MBNL2: variants seen among roughly 807,000 people sequenced by gnomAD.
MBNL2 encodes the protein muscleblind like splicing regulator 2, also known as muscleblind-like protein 2.
A neutral mutation model predicts 41.9 loss-of-function variants in MBNL2; 17 were observed. The observed-to-expected ratio is 0.41, with a 90% CI of 0.28 to 0.61. MBNL2 has a LOEUF of 0.61. MBNL2 is among the 20% of genes least tolerant of loss of function. The pLI is 0.35. For missense variants in MBNL2, 336 were observed against 505.6 expected (o/e 0.66, Z 3.22); for synonymous variants, 195 against 182.9 (o/e 1.07, Z -0.53).
In MBNL2 at chr13:97,344,771, T is replaced by C. The variant is rs762237379; in HGVS notation, c.540+1555T>C. On this transcript the variant is annotated intron_variant, in intron 4 of 8. Coordinates refer to ENST00000679496, the MANE Select transcript of MBNL2 (RefSeq NM_001382683.1). The stretch of plus-strand genomic sequence containing the variant: ...TTGTGTTCAGTATGTGACTGTACTT[T>C]AGAAAACAAATTAAATCAGTGGAAT... 1.1e-3 allele frequency among the ~76,000 whole-genome samples: 160 copies of C among 152,226 alleles called. 5 individuals are homozygous for C. Among genetic ancestry groups the C allele is most frequent in the Non-Finnish European group, 2.6e-4 (18 of 68,038 alleles).
intron 8 of MBNL2, among the ~76,000 whole-genome samples, chr13:97,374,913 CA>C (rs755522435): frequency 1.3e-5 from 2 of 152,078 alleles, no homozygotes; most frequent in East Asian, 3.9e-4. Context: ...TGAAGGAATT[CA>C]GGTCCATTTT....
chr13:97,334,152 A>ACC lies in MBNL2; in HGVS notation c.175-123_175-122insCC. On this transcript the variant is annotated intron_variant, in intron 2 of 8. Transcript: ENST00000679496. The surrounding 1 kb of genome is among the most constrained non-coding windows in gnomAD (Gnocchi z 5.3). ...CATGAGCATGCGCGCGCACACCCAC[A>ACC]CACACACACACACACACACACACAG... 1.8e-6 allele frequency: 1 copy of ACC among 556,954 alleles called. No individual in the cohort carries two copies. The highest frequency in any genetic ancestry group is 3.0e-6 in the Non-Finnish European group (1 of 333,042). The allele number at this position is 556,954 out of a possible 1,614,324, so 34.5% of individuals were successfully genotyped here. A position where few individuals can be genotyped will look rare whatever the true frequency, so the allele number is the denominator to read the frequency against.
chr13:97,290,896 G>C (rs1045931067), intron 2 of MBNL2, among the ~76,000 whole-genome samples: 1 of 152,082 alleles, frequency 6.6e-6, no homozygotes, highest in Non-Finnish European at 1.5e-5. Context: ...AGAGAGGAAG[G>C]CTTCCCAGAT....
At chr13:97,263,569 G>C (rs557339693) in intron 1 of MBNL2, among the ~76,000 whole-genome samples, 3 of 152,342 alleles carry the variant, frequency 2.0e-5, no homozygotes, top group African/African-American at 7.2e-5. Context: ...ACAGGATTTT[G>C]ATGTCTTGCA....
the MBNL2 span, among the ~76,000 whole-genome samples, chr13:97,209,082 G>A: frequency 6.6e-6 from 1 of 152,112 alleles, no homozygotes; most frequent in South Asian, 2.1e-4. Flanking sequence ...TACAATAAAT[G>A]AATTCAAAAT....
chr13:97,171,030 A>G, the MBNL2 span, among the ~76,000 whole-genome samples: 1 of 152,216 alleles, frequency 6.6e-6, no homozygotes, highest in Non-Finnish European at 1.5e-5. Context: ...GCAGTTTTAT[A>G]CTGAGTAAGT....
chr13:97,234,398 C>G (rs545518123), intron 1 of MBNL2, among the ~76,000 whole-genome samples: 2 of 152,212 alleles, frequency 1.3e-5, no homozygotes, highest in East Asian at 3.9e-4. Flanking sequence ...CAGTGTTGAC[C>G]CATTGTAGAC....
rs143497274 is a variant in MBNL2, at chr13:97,274,902, GAACTC to G, written c.-604-725_-604-721del. ...TTATGACTCAGTTAAAAACTAAACT[GAACTC>G]AACTAAAACTAATTTACATTCCTGC... On this transcript the variant is annotated intron_variant, in intron 1 of 8. Transcript: ENST00000679496. Among the ~76,000 whole-genome samples, 1,284 of 152,256 alleles carry G rather than the reference GAACTC, an allele frequency of 8.4e-3. 11 individuals carry two copies. The highest frequency in any genetic ancestry group is 0.014 in the Non-Finnish European group (959 of 68,016).
intron 2 of MBNL2, among the ~76,000 whole-genome samples, chr13:97,307,818 C>T (rs188994387): frequency 1.3e-5 from 2 of 152,100 alleles, no homozygotes; most frequent in African/African-American, 2.4e-5. Flanking sequence ...AATTATTTTC[C>T]ACCCAAGTGC....
intron 8 of MBNL2, among the ~76,000 whole-genome samples, chr13:97,370,676 AAAAG>A (rs554369119): frequency 7.6e-4 from 116 of 151,668 alleles, no homozygotes; most frequent in African/African-American, 2.2e-3. Context: ...TCAAAAAAAA[AAAAG>A]AAAGAAAGAA....
intron 5 of MBNL2, among the ~76,000 whole-genome samples, chr13:97,349,589 G>A (rs999493216): frequency 6.6e-6 from 1 of 152,164 alleles, no homozygotes; most frequent in African/African-American, 2.4e-5. Context: ...GTGCAGTGGT[G>A]CGATCTTGGC....
intron 1 of MBNL2, among the ~76,000 whole-genome samples, chr13:97,241,098 T>C (rs1159289345): frequency 6.6e-6 from 1 of 152,238 alleles, no homozygotes; most frequent in Non-Finnish European, 1.5e-5. Context: ...AAGGTTAGCC[T>C]CTTTGTTGCT....
intron 1 of MBNL2, among the ~76,000 whole-genome samples, chr13:97,227,727 G>A (rs967590710): frequency 3.3e-5 from 5 of 152,174 alleles, no homozygotes; most frequent in Non-Finnish European, 7.3e-5. Flanking sequence ...GTCCCTGGGG[G>A]TGCACATGCT....
rs138895916 is a variant in MBNL2, at chr13:97,319,861, G to A, written c.175-14415G>A. 1.1e-4 allele frequency among the ~76,000 whole-genome samples: 16 copies of A among 152,154 alleles called. No homozygotes were observed. The South Asian group carries it at 1.9e-3, about 18-fold the overall frequency. ...ATAAATCTCTTCTATTAAATCTTCC[G>A]TGGGAAAAATCGGATGGCATTTAAG... On this transcript the variant is annotated intron_variant, in intron 2 of 8. Transcript: ENST00000679496.
chr13:97,260,507 C>T (rs936331744), intron 1 of MBNL2, among the ~76,000 whole-genome samples: 8 of 151,868 alleles, frequency 5.3e-5, no homozygotes, highest in Admixed American at 5.2e-4. Flanking sequence ...GGAGGCTTTG[C>T]ACTCATGTTG....
the MBNL2 span, among the ~76,000 whole-genome samples, chr13:97,154,791 A>ATGG: frequency 7.0e-6 from 1 of 141,924 alleles, no homozygotes; most frequent in East Asian, 2.1e-4. Context: ...TAAATGGTAT[A>ATGG]AGGATGGATG....
At chr13:97,356,051 A>C (rs2062952651) in intron 5 of MBNL2, among the ~76,000 whole-genome samples, 1 of 152,236 alleles carries the variant, frequency 6.6e-6, no homozygotes, top group African/African-American at 2.4e-5. Context: ...AGATGATGGA[A>C]TACAAGTGGG....
chr13:97,375,812 TG>T (rs1304213756), intron 8 of MBNL2, among the ~76,000 whole-genome samples: 1 of 152,114 alleles, frequency 6.6e-6, no homozygotes, highest in Non-Finnish European at 1.5e-5. Flanking sequence ...TTATATCTCA[TG>T]ATAGAAGAAG....
chr13:97,216,909 A>G (rs1376262248), upstream of MBNL2, among the ~76,000 whole-genome samples: 1 of 150,572 alleles, frequency 6.6e-6, no homozygotes, highest in Admixed American at 6.6e-5. Context: ...ACATACATAG[A>G]GTATAATATA....
Sources: allele counts gnomAD v4.1 joint callset (sites outside exome capture counted in the v4.1 genomes callset), GRCh38; gene constraint gnomAD v4.1.1; non-coding constraint Gnocchi (gnomAD v3.1); transcripts MANE v1.5; gene names NCBI Gene and HGNC (gene_info 2026-07-23, HGNC 2026-07-21).